The following ADAMTSL1 variants were observed in gnomAD, a reference collection of about 807,000 sequenced individuals.
ADAMTSL1 encodes ADAMTS like 1, also known as ADAMTS-like protein 1.
Under a neutral mutation model 201.8 loss-of-function variants are expected in ADAMTSL1, and 126 were observed. That is an observed-to-expected ratio of 0.62 (90% confidence interval 0.54 to 0.72). ADAMTSL1 has a LOEUF of 0.72. ADAMTSL1 is among the 30% of genes least tolerant of loss of function. ADAMTSL1 has a pLI of 0.00. For synonymous variants in ADAMTSL1, 1,121 were observed against 903.4 expected, an observed-to-expected ratio of 1.24 and a Z score of -4.32; for missense variants, 2,679 against 2,277.8, an observed-to-expected ratio of 1.18 and a Z score of -3.59.
chr9:18,438,668 C>G (rs1472944182), intron 2 of ADAMTSL1, among the ~76,000 whole-genome samples: 1 of 152,204 alleles, frequency 6.6e-6, no homozygotes, highest in East Asian at 1.9e-4. Context: ...TCCTCCTCGC[C>G]GCCACCATTT....
intron 2 of ADAMTSL1, among the ~76,000 whole-genome samples, chr9:18,425,305 T>C (rs909270571): frequency 6.6e-6 from 1 of 152,152 alleles, no homozygotes; most frequent in Non-Finnish European, 1.5e-5. Flanking sequence ...GTTTTCATAG[T>C]TGAGTAGAAC....
At chr9:18,129,396 CA>C (rs1178899500) in intron 1 of ADAMTSL1, among the ~76,000 whole-genome samples, 9 of 152,260 alleles carry the variant, frequency 5.9e-5, no homozygotes, top group African/African-American at 2.2e-4. Context: ...ATGGTTCTTT[CA>C]AGGTCACATG....
chr9:18,256,115 A>C (rs1273533036), intron 2 of ADAMTSL1, among the ~76,000 whole-genome samples: 1 of 152,218 alleles, frequency 6.6e-6, no homozygotes, highest in Non-Finnish European at 1.5e-5. Flanking sequence ...ATGTGACATA[A>C]TGCTTCTCTG....
chr9:18,248,226 A>G (rs1831335754), intron 2 of ADAMTSL1, among the ~76,000 whole-genome samples: 1 of 152,192 alleles, frequency 6.6e-6, no homozygotes, highest in Admixed American at 6.5e-5. Flanking sequence ...TGGCAGTGCA[A>G]CATGAAAGCT....
At chr9:18,315,014 T>C (rs1563880732) in intron 2 of ADAMTSL1, among the ~76,000 whole-genome samples, 2 of 148,698 alleles carry the variant, frequency 1.3e-5, no homozygotes, top group African/African-American at 4.9e-5. Context: ...GCCAGGATGG[T>C]CTCGATCTCC....
At chr9:18,680,623 T>G in intron 11 of ADAMTSL1, 107 bp downstream of exon 11, 3 of 1,243,832 alleles carry the variant, frequency 2.4e-6, no homozygotes. Flanking sequence ...CTTCTTGAGG[T>G]GTCTAGAAGC....
chr9:18,570,288 C>A (rs995197411), intron 3 of ADAMTSL1, among the ~76,000 whole-genome samples: 1 of 151,410 alleles, frequency 6.6e-6, no homozygotes, highest in Non-Finnish European at 1.5e-5. Flanking sequence ...TTTCATGGAC[C>A]AATTTATAAT....
At position 17,989,122 on chromosome 9, in the gene ADAMTSL1, T is replaced by A. The variant is rs142901029; in HGVS notation, c.87+82200T>A. On this transcript the variant is annotated intron_variant, in intron 1 of 29. Transcript: ENST00000680146. ...ACTTTAATTTTAAATTTTCTTTATT[T>A]AAAAAACAAATTATGTTTATTACAG... Among the ~76,000 whole-genome samples, 1,206 of 152,048 alleles carry A rather than the reference T, an allele frequency of 7.9e-3. 23 individuals are homozygous for A. Among genetic ancestry groups the A allele is most frequent in the African/African-American group, 0.027 (1,129 of 41,532 alleles).
At chr9:18,388,741 T>C (rs1191123572) in intron 2 of ADAMTSL1, among the ~76,000 whole-genome samples, 2 of 151,080 alleles carry the variant, frequency 1.3e-5, no homozygotes, top group Admixed American at 1.3e-4. Flanking sequence ...GTTGTTGTTG[T>C]TTAATAGCAC....
At chr9:17,933,389 A>T (rs1276549709) in intron 1 of ADAMTSL1, among the ~76,000 whole-genome samples, 1 of 152,072 alleles carries the variant, frequency 6.6e-6, no homozygotes, top group African/African-American at 2.4e-5. Context: ...GAAATTCCTT[A>T]ACTTACCTAT....
chr9:18,595,255 AG>A (rs1365965837), intron 4 of ADAMTSL1, among the ~76,000 whole-genome samples: 4 of 152,290 alleles, frequency 2.6e-5, no homozygotes, highest in African/African-American at 4.8e-5. Context: ...CTGCAGTGAA[AG>A]GGGCTGGAGT....
chr9:17,916,237 G>A (rs1458876286), intron 1 of ADAMTSL1, among the ~76,000 whole-genome samples: 1 of 152,204 alleles, frequency 6.6e-6, no homozygotes, highest in Admixed American at 6.5e-5. Flanking sequence ...TGTCTTCTCA[G>A]ATGTGTGATT....
At chr9:18,277,334 T>C (rs1283469678) in intron 2 of ADAMTSL1, among the ~76,000 whole-genome samples, 2 of 152,176 alleles carry the variant, frequency 1.3e-5, no homozygotes, top group Non-Finnish European at 2.9e-5. Context: ...TTATTTAACA[T>C]GCCATGTTAA....
intron 2 of ADAMTSL1, among the ~76,000 whole-genome samples, chr9:18,260,015 A>G (rs1033619545): frequency 6.6e-6 from 1 of 152,188 alleles, no homozygotes; most frequent in African/African-American, 2.4e-5. Flanking sequence ...ATTAGTTTTT[A>G]TCTTATTTTA....
intron 1 of ADAMTSL1, among the ~76,000 whole-genome samples, chr9:17,993,710 G>T (rs1202300605): frequency 6.6e-6 from 1 of 152,128 alleles, no homozygotes; most frequent in African/African-American, 2.4e-5. Flanking sequence ...CTAATACAGA[G>T]TATCATTTGG....
intron 1 of ADAMTSL1, among the ~76,000 whole-genome samples, chr9:17,986,045 C>A (rs1728859638): frequency 2.0e-5 from 3 of 152,132 alleles, no homozygotes; most frequent in South Asian, 4.1e-4. Context: ...AAGTAAAGTT[C>A]CAAATGAATT....
At chr9:18,480,669 C>CATAAGTAAGTACTA (rs1296718883) in intron 1 of ADAMTSL1, among the ~76,000 whole-genome samples, 4 of 152,148 alleles carry the variant, frequency 2.6e-5, no homozygotes, top group Non-Finnish European at 5.9e-5. Flanking sequence ...AGTACTTACT[C>CATAAGTAAGTACTA]ATAAGTAAGT....
At chr9:18,713,285 A>T (rs1364772367) in intron 14 of ADAMTSL1, among the ~76,000 whole-genome samples, 1 of 152,220 alleles carries the variant, frequency 6.6e-6, no homozygotes, top group East Asian at 1.9e-4. Flanking sequence ...AAATGCTCCA[A>T]TTAAAAGACA....
intron 1 of ADAMTSL1, among the ~76,000 whole-genome samples, chr9:17,952,917 CCCTCCTCCTCCTCCTCCT>C (rs59567399): frequency 2.2e-4 from 32 of 145,964 alleles, no homozygotes; most frequent in South Asian, 4.4e-4. Context: ...TTCCTCCTTT[CCCTCCTCCTCCTCCTCCT>C]CCTCCTCCTC....
Sources: gnomAD v4.1 joint callset for allele counts (sites outside exome capture counted in the v4.1 genomes callset) on GRCh38, gnomAD v4.1.1 for gene constraint, MANE v1.5 for transcripts, NCBI Gene and HGNC (gene_info 2026-07-23, HGNC 2026-07-21) for gene names.